Variants in PRKAR2B observed in about 807,000 individuals in gnomAD.
PRKAR2B encodes the protein protein kinase cAMP-dependent type II regulatory subunit beta, also known as cAMP-dependent protein kinase type II-beta regulatory subunit.
Under a neutral mutation model 49.9 loss-of-function variants are expected in PRKAR2B, and 14 were observed. The ratio of observed to expected loss-of-function variants is 0.28; its 90% confidence interval spans 0.19 to 0.44. The LOEUF (loss-of-function observed/expected upper bound fraction) is 0.44, where lower values mean the gene tolerates loss of function less well. Ranked by LOEUF, PRKAR2B falls within the 20% of genes least tolerant of loss-of-function variation. The pLI is 1.00. For synonymous variants in PRKAR2B, 196 were observed against 197.7 expected (o/e 0.99, Z 0.07); for missense variants, 393 against 537.9 (o/e 0.73, Z 2.67).
intron 4 of PRKAR2B, chr7:107,133,784 G>C (rs1200374380): frequency 6.6e-6 from 1 of 152,010 alleles, no homozygotes; most frequent in African/African-American, 2.4e-5. Flanking sequence ...AGTTTTTTTA[G>C]TTAATTAAAA....
chr7:107,096,773 T>G (rs1013736871), intron 2 of PRKAR2B, among the ~76,000 whole-genome samples: 24 of 152,224 alleles, frequency 1.6e-4, no homozygotes, highest in Non-Finnish European at 3.2e-4. Flanking sequence ...GTGTACCCAG[T>G]AGTCATTCAG....
chr7:107,080,165 G>A (rs1444987800), intron 2 of PRKAR2B, among the ~76,000 whole-genome samples: 1 of 152,158 alleles, frequency 6.6e-6, no homozygotes, highest in African/African-American at 2.4e-5. Context: ...GGCTCTCGGA[G>A]GAGCACAGAG....
chr7:107,065,378 T>TGTGTGTGTGTG (rs1794119336), intron 1 of PRKAR2B, among the ~76,000 whole-genome samples: 1 of 117,620 alleles, frequency 8.5e-6, no homozygotes, highest in African/African-American at 3.0e-5. Flanking sequence ...GTGTGTGTGT[T>TGTGTGTGTGTG]TATGACTGCA....
In PRKAR2B at chr7:107,159,923, C is replaced by G. The variant is rs1043696316; in HGVS notation, c.*341C>G. 1.1e-5 allele frequency: 2 copies of G among 177,466 alleles called. No individual in the cohort carries two copies. The highest frequency in any genetic ancestry group is 4.7e-5 in the African/African-American group (2 of 42,338). 11.0% of individuals were successfully genotyped at this position (177,466 alleles called of 1,614,324 possible). On this transcript the variant is annotated 3_prime_UTR_variant, in exon 11 of 11. Transcript: ENST00000265717. Reference sequence around the variant, plus strand: ...GTTATCATAGGCTATATGTGTTTTACTTATTCAGACTGATAATCATATTAG... The same window carrying G: ...GTTATCATAGGCTATATGTGTTTTAGTTATTCAGACTGATAATCATATTAG...
At chr7:107,119,713 A>C (rs374179604) in intron 2 of PRKAR2B, among the ~76,000 whole-genome samples, 1 of 152,230 alleles carries the variant, frequency 6.6e-6, no homozygotes, top group Admixed American at 6.5e-5. Context: ...TCACCAAGCA[A>C]TCTTTCAATA....
intron 4 of PRKAR2B, among the ~76,000 whole-genome samples, chr7:107,130,655 G>T (rs1436920213): frequency 6.6e-6 from 1 of 152,112 alleles, no homozygotes; most frequent in East Asian, 1.9e-4. Flanking sequence ...TTCAATCCAC[G>T]TTTGCCGAGT....
In PRKAR2B at chr7:107,160,604, C is replaced by T. The variant is rs189919821; in HGVS notation, c.*1022C>T. 1 of 152,214 alleles carries T rather than the reference C, an allele frequency of 6.6e-6. No individual in the cohort carries two copies. Among genetic ancestry groups the T allele is most frequent in the African/African-American group, 2.4e-5 (1 of 41,550 alleles). The allele number at this position is 152,214 out of a possible 1,614,324, so 9.4% of individuals were successfully genotyped here. A position where few individuals can be genotyped will look rare whatever the true frequency, so the allele number is the denominator to read the frequency against. On this transcript the variant is annotated 3_prime_UTR_variant, in exon 11 of 11. Coordinates refer to ENST00000265717, the MANE Select transcript of PRKAR2B (RefSeq NM_002736.3). ...TTCTTTCTTAGGATGGTTGCCAACCCACAATCTCATTGATCAGCAGCCAAT... is the reference window on the plus strand; with the variant it reads ...TTCTTTCTTAGGATGGTTGCCAACCTACAATCTCATTGATCAGCAGCCAAT...
intron 2 of PRKAR2B, among the ~76,000 whole-genome samples, chr7:107,080,960 G>A (rs982109246): frequency 2.0e-5 from 3 of 152,194 alleles, no homozygotes; most frequent in African/African-American, 7.2e-5. Flanking sequence ...CCAGATTGTG[G>A]TTATTCTGGA....
intron 2 of PRKAR2B, among the ~76,000 whole-genome samples, chr7:107,108,944 C>G (rs1324398262): frequency 6.6e-6 from 1 of 152,206 alleles, no homozygotes; most frequent in Non-Finnish European, 1.5e-5. Context: ...CAAATGACTG[C>G]TCCATAGACA....
chr7:107,049,760 C>T (rs1793764915), intron 1 of PRKAR2B, among the ~76,000 whole-genome samples: 1 of 152,094 alleles, frequency 6.6e-6, no homozygotes, highest in Admixed American at 6.6e-5. Context: ...AAATCCATAT[C>T]TTTTCAGCTC....
At chr7:107,106,466 G>C (rs1252084563) in intron 2 of PRKAR2B, among the ~76,000 whole-genome samples, 4 of 152,110 alleles carry the variant, frequency 2.6e-5, no homozygotes, top group African/African-American at 9.7e-5. Flanking sequence ...CGAAAGACTT[G>C]GCCAACTTAA....
chr7:107,124,997 TG>T (rs755790419), intron 3 of PRKAR2B, among the ~76,000 whole-genome samples: 5 of 152,190 alleles, frequency 3.3e-5, no homozygotes, highest in Non-Finnish European at 5.9e-5. Flanking sequence ...GCATGTCTGT[TG>T]GGTTACATTA....
chr7:107,129,492 C>G lies in PRKAR2B; in HGVS notation c.480+1197C>G, dbSNP rs145228737. ...AGCAGATGGCTCACGGCCCTGTACGCGCACTAGGCTCTCAAAAGAAAACAT... is the reference window on the plus strand; with the variant it reads ...AGCAGATGGCTCACGGCCCTGTACGGGCACTAGGCTCTCAAAAGAAAACAT... On this transcript the variant is annotated intron_variant, in intron 4 of 10. Transcript: ENST00000265717. Among the ~76,000 whole-genome samples the G allele has an allele frequency of 9.8e-4, 149 of 152,258 alleles. 1 individual carries two copies. Among genetic ancestry groups the G allele is most frequent in the African/African-American group, 3.4e-3 (142 of 41,554 alleles).
chr7:107,077,555 A>G (rs571386483), intron 2 of PRKAR2B, among the ~76,000 whole-genome samples: 1 of 152,336 alleles, frequency 6.6e-6, no homozygotes, highest in Admixed American at 6.5e-5. Flanking sequence ...CATTTTCACC[A>G]TATGTTGCTA....
intron 2 of PRKAR2B, among the ~76,000 whole-genome samples, chr7:107,093,512 CTT>C (rs58693908): frequency 0.047 from 6,907 of 146,250 alleles, 505 homozygotes; most frequent in African/African-American, 0.16. Flanking sequence ...ACTTTTTTTT[CTT>C]TTTTTTTTTT....
chr7:107,079,174 C>T (rs1006953055), intron 2 of PRKAR2B, among the ~76,000 whole-genome samples: 18 of 152,212 alleles, frequency 1.2e-4, no homozygotes, highest in African/African-American at 4.3e-4. Flanking sequence ...TAGGTCACTA[C>T]TTCACCAGCT....
intron 2 of PRKAR2B, among the ~76,000 whole-genome samples, chr7:107,080,506 A>C (rs1379139644): frequency 6.6e-6 from 1 of 152,198 alleles, no homozygotes; most frequent in African/African-American, 2.4e-5. Flanking sequence ...ATGCCCTTGA[A>C]GTACTTGCAG....
At chr7:107,053,840 CAGAATT>C (rs1793857237) in intron 1 of PRKAR2B, among the ~76,000 whole-genome samples, 1 of 151,874 alleles carries the variant, frequency 6.6e-6, no homozygotes, top group Admixed American at 6.6e-5. Flanking sequence ...AAATACCAGT[CAGAATT>C]AGAAGAAAGT....
intron 2 of PRKAR2B, among the ~76,000 whole-genome samples, chr7:107,076,291 G>A (rs1794395004): frequency 1.3e-5 from 2 of 152,096 alleles, no homozygotes; most frequent in Non-Finnish European, 2.9e-5. Context: ...CTCATACAGA[G>A]TTTAGAGTCA....
Sources: gnomAD v4.1 joint callset for allele counts (sites outside exome capture counted in the v4.1 genomes callset) on GRCh38, gnomAD v4.1.1 for gene constraint, MANE v1.5 for transcripts, NCBI Gene and HGNC (gene_info 2026-07-23, HGNC 2026-07-21) for gene names.